The following CNTN5 variants were observed in gnomAD, a reference collection of about 807,000 sequenced individuals.
CNTN5 encodes contactin 5, also known as contactin-5.
Under a neutral mutation model 129.1 loss-of-function variants are expected in CNTN5, and 77 were observed. The ratio of observed to expected loss-of-function variants is 0.60; its 90% CI spans 0.50 to 0.72. The LOEUF (loss-of-function observed/expected upper bound fraction) is 0.72, where lower values mean the gene tolerates loss of function less well. CNTN5 is among the 30% of genes least tolerant of loss of function. The pLI is 0.00. For missense variants in CNTN5, 1,478 were observed against 1,328.8 expected, an observed-to-expected ratio of 1.11 and a Z score of -1.75; for synonymous variants, 509 against 465.6, an observed-to-expected ratio of 1.09 and a Z score of -1.20.
In CNTN5 at chr11:99,905,228, G is replaced by A. The variant is rs532503437; in HGVS notation, c.578-10826G>A. Among the ~76,000 whole-genome samples, 6 of 152,214 alleles carry A rather than the reference G, an allele frequency of 3.9e-5. No homozygotes were observed. In the East Asian group the frequency reaches 7.7e-4, roughly 20 times the overall value. On this transcript the variant is annotated intron_variant, in intron 6 of 24. Transcript: ENST00000524871. ...AAGTCTTTGCCCATGCCTATGTCCC[G>A]AATGGTATTGCCTAGGTTTTCTTCA... is the stretch of plus-strand genomic sequence containing the variant.
rs577728751 is a variant in CNTN5, at chr11:99,620,429, C to T, written c.55+64160C>T. Reference sequence around the variant, plus strand: ...AAATATTGCAAATTCTTATGTCTTTCATTTGACATTTCAGTAGTATTTTGC... The same window carrying T: ...AAATATTGCAAATTCTTATGTCTTTTATTTGACATTTCAGTAGTATTTTGC... On this transcript the variant is annotated intron_variant, in intron 3 of 24. Transcript: ENST00000524871. Among the ~76,000 whole-genome samples the T allele has an allele frequency of 3.3e-5, 5 of 150,284 alleles. No homozygotes were observed. In the South Asian group the frequency reaches 1.1e-3, roughly 32 times the overall value.
chr11:99,424,882 G>C (rs1355354958), intron 2 of CNTN5, among the ~76,000 whole-genome samples: 1 of 152,226 alleles, frequency 6.6e-6, no homozygotes, highest in Non-Finnish European at 1.5e-5. Context: ...CAACTGGAGG[G>C]TGAGCAAGGC....
chr11:100,141,384 C>A (rs1025652837), intron 13 of CNTN5, among the ~76,000 whole-genome samples: 1 of 152,024 alleles, frequency 6.6e-6, no homozygotes, highest in Non-Finnish European at 1.5e-5. Flanking sequence ...GAGGAACACA[C>A]GAACAGTTGG....
intron 6 of CNTN5, among the ~76,000 whole-genome samples, chr11:99,909,245 T>C (rs1335010849): frequency 6.6e-6 from 1 of 152,012 alleles, no homozygotes; most frequent in African/African-American, 2.4e-5. Context: ...CATTATCAAA[T>C]CAAAACCACA....
chr11:99,863,621 A>G lies in CNTN5; in HGVS notation c.577+18359A>G, dbSNP rs140452464. On this transcript the variant is annotated intron_variant, in intron 6 of 24. Transcript: ENST00000524871. ...CCTATTGTAATTAATTGTTGTACTCATCTTAAAAGAAGGCCTACCTTTAGA... is the reference window on the plus strand; with the variant it reads ...CCTATTGTAATTAATTGTTGTACTCGTCTTAAAAGAAGGCCTACCTTTAGA... Among the ~76,000 whole-genome samples the G allele has an allele frequency of 6.5e-3, 996 of 152,304 alleles. 10 individuals carry two copies. The highest frequency in any genetic ancestry group is 0.023 in the African/African-American group (941 of 41,570).
At chr11:99,914,133 A>T (rs1237757929) in intron 6 of CNTN5, among the ~76,000 whole-genome samples, 1 of 152,032 alleles carries the variant, frequency 6.6e-6, no homozygotes, top group African/African-American at 2.4e-5. Flanking sequence ...GCTACTCGGG[A>T]GGCTGAGACT....
intron 1 of CNTN5, among the ~76,000 whole-genome samples, chr11:99,103,245 A>G (rs775254186): frequency 3.3e-5 from 5 of 152,198 alleles, no homozygotes; most frequent in Non-Finnish European, 5.9e-5. Context: ...CAGCCAAACC[A>G]TATCAATGCT....
intron 3 of CNTN5, among the ~76,000 whole-genome samples, chr11:99,641,688 T>C (rs4754635): frequency 0.32 from 49,021 of 151,960 alleles, 8,035 homozygotes; most frequent in South Asian, 0.43. Context: ...CATCACAGGA[T>C]CCATAGTATT....
chr11:99,551,718 C>T (rs746131607), intron 2 of CNTN5, among the ~76,000 whole-genome samples: 1 of 152,080 alleles, frequency 6.6e-6, no homozygotes, highest in Non-Finnish European at 1.5e-5. Context: ...CAGACCTGTA[C>T]AGGATGTTAC....
At chr11:100,221,025 T>C (rs1949253211) in intron 15 of CNTN5, among the ~76,000 whole-genome samples, 2 of 152,142 alleles carry the variant, frequency 1.3e-5, no homozygotes, top group African/African-American at 2.4e-5. Context: ...ATCGTGGACC[T>C]TGGGGGAGAC....
At chr11:99,318,633 T>G (rs1328142738) in intron 1 of CNTN5, among the ~76,000 whole-genome samples, 1 of 152,156 alleles carries the variant, frequency 6.6e-6, no homozygotes, top group Non-Finnish European at 1.5e-5. Context: ...CATATTTTTT[T>G]CATTTCATTG....
chr11:99,129,174 C>T (rs1858806204), intron 1 of CNTN5, among the ~76,000 whole-genome samples: 2 of 152,208 alleles, frequency 1.3e-5, no homozygotes, highest in African/African-American at 4.8e-5. Flanking sequence ...GGATTATGTT[C>T]TAACCCAATG....
chr11:100,066,175 A>G (rs978251238), intron 10 of CNTN5, among the ~76,000 whole-genome samples: 1 of 152,158 alleles, frequency 6.6e-6, no homozygotes, highest in Non-Finnish European at 1.5e-5. Flanking sequence ...AGGAATTACT[A>G]TCTACAGCTT....
At chr11:99,214,880 A>T (rs1490989781) in intron 1 of CNTN5, among the ~76,000 whole-genome samples, 1 of 152,108 alleles carries the variant, frequency 6.6e-6, no homozygotes, top group Non-Finnish European at 1.5e-5. Context: ...TCTGCCAGTC[A>T]TCATCTTTAT....
At chr11:99,727,288 G>A (rs1242008443) in intron 3 of CNTN5, among the ~76,000 whole-genome samples, 1 of 81,504 alleles carries the variant, frequency 1.2e-5, no homozygotes, top group East Asian at 5.5e-4. Flanking sequence ...AGTCCGGCCT[G>A]GGCGACAGAG....
chr11:99,859,829 T>C (rs1358628603), intron 6 of CNTN5, among the ~76,000 whole-genome samples: 1 of 152,192 alleles, frequency 6.6e-6, no homozygotes, highest in Admixed American at 6.5e-5. Flanking sequence ...TGGGTCTTTT[T>C]GGTAGAACTG....
chr11:99,369,351 A>G (rs1939689016), intron 2 of CNTN5, among the ~76,000 whole-genome samples: 1 of 151,066 alleles, frequency 6.6e-6, no homozygotes, highest in Non-Finnish European at 1.5e-5. Context: ...AGTAATGTTA[A>G]GGCCATCTTG....
At chr11:99,576,807 C>T (rs1194197931) in intron 3 of CNTN5, among the ~76,000 whole-genome samples, 1 of 152,084 alleles carries the variant, frequency 6.6e-6, no homozygotes, top group Non-Finnish European at 1.5e-5. Flanking sequence ...CTCTCTGGGG[C>T]CTCTTTTATA....
At chr11:99,621,968 T>C (rs190089887) in intron 3 of CNTN5, among the ~76,000 whole-genome samples, 2 of 152,286 alleles carry the variant, frequency 1.3e-5, no homozygotes, top group Non-Finnish European at 2.9e-5. Flanking sequence ...CTGACTGAAT[T>C]CTCTAACATC....
Sources: allele counts gnomAD v4.1 joint callset (sites outside exome capture counted in the v4.1 genomes callset), GRCh38; gene constraint gnomAD v4.1.1; transcripts MANE v1.5; gene names NCBI Gene and HGNC (gene_info 2026-07-23, HGNC 2026-07-21).